Variants in KCNAB2 observed in about 807,000 individuals in gnomAD.
KCNAB2 encodes the protein voltage-gated potassium channel subunit beta-2.
A neutral mutation model predicts 63.6 loss-of-function variants in KCNAB2; 29 were observed. That is an observed-to-expected ratio of 0.46 (90% confidence interval 0.34 to 0.62). The LOEUF (loss-of-function observed/expected upper bound fraction) is 0.62. KCNAB2 is among the 20% of genes least tolerant of loss of function. KCNAB2 has a pLI of 0.01. For synonymous variants in KCNAB2, 222 were observed against 224.2 expected (o/e 0.99, Z 0.09); for missense variants, 359 against 563.9 (o/e 0.64, Z 3.68).
chr1:6,055,400 G>C (rs1284262790), intron 2 of KCNAB2, among the ~76,000 whole-genome samples: 1 of 147,238 alleles, frequency 6.8e-6, no homozygotes, highest in Non-Finnish European at 1.5e-5. Flanking sequence ...GTATCGCCCA[G>C]GCTACAGTGC....
chr1:6,089,723 GT>G (rs1294667009), intron 8 of KCNAB2, among the ~76,000 whole-genome samples: 2 of 152,204 alleles, frequency 1.3e-5, no homozygotes, highest in Admixed American at 1.3e-4. Context: ...TTGAGATGGA[GT>G]TTTGCTCTTG....
chr1:6,085,062 G>A, intron 5 of KCNAB2, 142 bp from the exon 6 acceptor site: 2 of 809,630 alleles, frequency 2.5e-6, no homozygotes, highest in Non-Finnish European at 2.1e-6. Context: ...ATGAGCTACT[G>A]AGCCAAGGCG....
chr1:6,039,852 A>C (rs1451905274), intron 1 of KCNAB2, among the ~76,000 whole-genome samples: 3 of 152,234 alleles, frequency 2.0e-5, no homozygotes, highest in Admixed American at 2.0e-4. Flanking sequence ...AGCTTGCTTC[A>C]TCAGAGCCAG....
At position 6,087,391 on chromosome 1, in the gene KCNAB2, T is replaced by G; in HGVS notation, c.426-76T>G. On this transcript the variant is annotated intron_variant, in intron 6 of 15. Coordinates refer to ENST00000378083, the MANE Select transcript of KCNAB2 (RefSeq NM_001199862.2). This position sits in a 1 kb window ranked among gnomAD's most constrained non-coding sequence, Gnocchi z 6.4. ...GCTTTCAGGACCTCTGTGTGAGAGA[T>G]GAGGACGTCGGGGATGAAGGAGGAC... 1.3e-6 allele frequency: 2 copies of G among 1,496,480 alleles called. No individual in the cohort carries two copies. The highest frequency in any genetic ancestry group is 4.5e-5 in the East Asian group (2 of 44,242). 92.7% of individuals were successfully genotyped at this position (1,496,480 alleles called of 1,614,324 possible). A position where few individuals can be genotyped will look rare whatever the true frequency, so the allele number is the denominator to read the frequency against.
chr1:6,041,882 C>G (rs558270553), upstream of KCNAB2: 1 of 1,613,314 alleles, frequency 6.2e-7, no homozygotes, highest in Admixed American at 1.7e-5. Flanking sequence ...GGTAATGAGT[C>G]TTCATTCTCC....
chr1:6,022,048 C>T (rs1658863781), intron 1 of KCNAB2, among the ~76,000 whole-genome samples: 1 of 151,756 alleles, frequency 6.6e-6, no homozygotes, highest in African/African-American at 2.4e-5. Context: ...GGGCACAGTT[C>T]AGTGGTATTG....
Position 6,099,988 on chromosome 1 carries a change from A to C in KCNAB2, c.*1414A>C. The C allele has an allele frequency of 6.5e-7, 1 of 1,546,044 alleles. No individual in the cohort carries two copies. The highest frequency in any genetic ancestry group is 8.7e-7 in the Non-Finnish European group (1 of 1,144,702). On this transcript the variant is annotated 3_prime_UTR_variant, in exon 16 of 16. Transcript: ENST00000378083. ...TGCAGACCACGCGGGGCAGGGCTCC[A>C]CTGAAGCCACCCCCACCCCTCGCCA...
At chr1:6,065,783 G>A (rs748844460) in intron 2 of KCNAB2, among the ~76,000 whole-genome samples, 7 of 152,130 alleles carry the variant, frequency 4.6e-5, no homozygotes, top group Non-Finnish European at 7.3e-5. Flanking sequence ...GACGAGAGAT[G>A]TGAGGGGAGG....
At position 6,035,789 on chromosome 1, in the gene KCNAB2, G is replaced by A. The variant is rs143892853; in HGVS notation, c.-53+995G>A. ...GGGGTGGGGTCTGCAGCATGGGGAC[G>A]GGGTTCAGAGCCACGAGATGGGTGG... On this transcript the variant is annotated intron_variant, in intron 1 of 15. Coordinates refer to the KCNAB2 transcript ENST00000164247. This position sits in a 1 kb window ranked among gnomAD's most constrained non-coding sequence, Gnocchi z 5.0. The A allele has an allele frequency of 0.011, 1,746 of 152,602 alleles. 31 individuals carry two copies. Among genetic ancestry groups the A allele is most frequent in the African/African-American group, 0.039 (1,609 of 41,530 alleles). The allele number at this position is 152,602 out of a possible 1,614,324, so 9.5% of individuals were successfully genotyped here.
intron 1 of KCNAB2, among the ~76,000 whole-genome samples, chr1:5,998,746 G>A (rs747210672): frequency 6.6e-6 from 1 of 152,202 alleles, no homozygotes; most frequent in Non-Finnish European, 1.5e-5. Flanking sequence ...CAGCGAGGGG[G>A]CGCAGGACCC....
At chr1:6,018,775 T>C (rs61760779) in intron 1 of KCNAB2, 16,213 of 152,226 alleles carry the variant, frequency 0.11, 1,172 homozygotes, top group Non-Finnish European at 0.16. Context: ...AGGACCCTGA[T>C]GTTGGATTTA....
chr1:6,000,939 CCACCAAAGCATCA>C (rs1366295104), intron 1 of KCNAB2, among the ~76,000 whole-genome samples: 2 of 152,150 alleles, frequency 1.3e-5, no homozygotes, highest in African/African-American at 2.4e-5. Context: ...ACTCAGGCCA[CCACCAAAGCATCA>C]CACCAAAGCA....
At position 6,096,954 on chromosome 1, in the gene KCNAB2, G is replaced by T. The variant is rs911093754; in HGVS notation, c.1069+198G>T. 2.0e-5 allele frequency among the ~76,000 whole-genome samples: 3 copies of T among 152,188 alleles called. No individual in the cohort carries two copies. The highest frequency in any genetic ancestry group is 7.2e-5 in the African/African-American group (3 of 41,446). ...TGGGACCCCATGCCTCTAGGGGGAT[G>T]TCAGGAGTCCCTGAGGACCTGGGCC... On this transcript the variant is annotated intron_variant, in intron 14 of 15. Coordinates refer to ENST00000378083, the MANE Select transcript of KCNAB2 (RefSeq NM_001199862.2). The surrounding 1 kb of genome is among the most constrained non-coding windows in gnomAD (Gnocchi z 5.9).
Position 6,082,230 on chromosome 1 carries a change from T to A in KCNAB2, c.336T>A (p.Asn112Lys). The A allele has an allele frequency of 6.2e-7, 1 of 1,613,920 alleles. No individual in the cohort carries two copies. ...AGCTCATGACCTTGGCCTATGATAA[T>A]GGCATCAACCTCTTCGATACAGCAG... Reference protein sequence around the residue: ...AEQLMTLAYDNGINLFDTAEV... With the variant: ...AEQLMTLAYDKGINLFDTAEV... The change falls in exon 5 of 16, where the codon AAT becomes AAA. Residue 112 changes from asparagine (N) to lysine (K), a missense_variant. This residue lies in a region of KCNAB2 where 271 missense variants were observed against 476.1 expected (regional missense o/e 0.57). Transcript: ENST00000378083.
intron 5 of KCNAB2, among the ~76,000 whole-genome samples, chr1:6,082,486 C>T (rs576472165): frequency 4.4e-4 from 67 of 152,282 alleles, no homozygotes; most frequent in Admixed American, 2.2e-3. Flanking sequence ...CTGAACTCCC[C>T]GTGGAGCCAC....
intron 2 of KCNAB2, among the ~76,000 whole-genome samples, chr1:6,056,602 C>G (rs1298343567): frequency 2.0e-5 from 3 of 152,162 alleles, no homozygotes; most frequent in African/African-American, 4.8e-5. Flanking sequence ...TTCCTCTGCT[C>G]CCCATGGTGC....
intron 5 of KCNAB2, among the ~76,000 whole-genome samples, chr1:6,083,600 C>T (rs1039069043): frequency 1.3e-5 from 2 of 152,230 alleles, no homozygotes; most frequent in African/African-American, 2.4e-5. Context: ...GCCCTCTGCT[C>T]CTGGGCCGGC....
intron 1 of KCNAB2, among the ~76,000 whole-genome samples, chr1:6,009,175 C>T (rs1657999330): frequency 6.6e-6 from 1 of 152,220 alleles, no homozygotes; most frequent in Non-Finnish European, 1.5e-5. Context: ...CCAAGTCCCC[C>T]TGGCCACCCC....
At chr1:6,034,989 C>A (rs1659916213) in intron 1 of KCNAB2, among the ~76,000 whole-genome samples, 1 of 152,074 alleles carries the variant, frequency 6.6e-6, no homozygotes, top group South Asian at 2.1e-4. Context: ...GAGAAACAGC[C>A]CAGGGGAGGG....
Sources: gnomAD v4.1 joint callset for allele counts (sites outside exome capture counted in the v4.1 genomes callset) on GRCh38, gnomAD v4.1.1 for gene constraint, gnomAD v4.1.1 regional missense constraint, Gnocchi (gnomAD v3.1) non-coding constraint, MANE v1.5 for transcripts, NCBI Gene and HGNC (gene_info 2026-07-23, HGNC 2026-07-21) for gene names.